Variants in TEX28 observed in about 807,000 individuals in gnomAD.
TEX28 encodes the protein testis-specific protein TEX28.
chrX:154,294,815 A>G (rs186794663), upstream of TEX28, among the ~76,000 whole-genome samples: 295 of 111,576 alleles, frequency 2.6e-3, 4 homozygotes, highest in African/African-American at 8.9e-3. Flanking sequence ...AAAAAAAAAA[A>G]ATGTAAACAC....
chrX:154,293,543 A>G (rs2148793835), upstream of TEX28, among the ~76,000 whole-genome samples: 1 of 75,845 alleles, frequency 1.3e-5, no homozygotes, highest in Non-Finnish European at 2.3e-5. Flanking sequence ...GTGGTGGTGC[A>G]CACCTGTAGT....
chrX:154,294,272 T>C (rs1312291007), upstream of TEX28, among the ~76,000 whole-genome samples: 2 of 109,452 alleles, frequency 1.8e-5, no homozygotes, highest in African/African-American at 6.7e-5. Flanking sequence ...GGTGTCTCCA[T>C]GTTAGGCTGG....
At chrX:154,294,520 C>T (rs1348648066), upstream of TEX28, among the ~76,000 whole-genome samples, 2 of 103,988 alleles carry the variant, frequency 1.9e-5, no homozygotes, top group Non-Finnish European at 3.9e-5. Context: ...TGCCCACCAC[C>T]GCCTGGCATG....
upstream of TEX28, among the ~76,000 whole-genome samples, chrX:154,294,427 C>T (rs1226808732): frequency 6.6e-5 from 7 of 106,730 alleles, no homozygotes; most frequent in African/African-American, 2.4e-4. Context: ...AGTACAGTGG[C>T]GCCATCTCAG....
chrX:154,294,918 G>A (rs2067207813), upstream of TEX28: 1 of 112,546 alleles, frequency 8.9e-6, no homozygotes, highest in Admixed American at 9.4e-5. Flanking sequence ...GTAGAAATTC[G>A]GCATTTTTGA....
At chrX:154,294,415 G>A (rs1466993481), upstream of TEX28, among the ~76,000 whole-genome samples, 1 of 106,718 alleles carries the variant, frequency 9.4e-6, no homozygotes, top group African/African-American at 3.4e-5. Context: ...CGCCCAGGCT[G>A]GAGTACAGTG....
chrX:154,294,790 G>A (rs1214667229), upstream of TEX28, among the ~76,000 whole-genome samples: 5 of 108,640 alleles, frequency 4.6e-5, no homozygotes, highest in Admixed American at 1.9e-4. Flanking sequence ...GCGACAGGGC[G>A]AGACTCCGTC....
upstream of TEX28, among the ~76,000 whole-genome samples, chrX:154,292,978 G>T (rs1257055604): frequency 3.3e-4 from 1 of 3,003 alleles, no homozygotes; most frequent in East Asian, 5.0e-3. Context: ...GTGGCTCACA[G>T]CTGTAATCCC....
upstream of TEX28, among the ~76,000 whole-genome samples, chrX:154,294,760 G>C (rs1377784253): frequency 9.2e-6 from 1 of 108,875 alleles, no homozygotes; most frequent in African/African-American, 3.4e-5. Flanking sequence ...CTAAGTTCGA[G>C]CCACTGCACT....
upstream of TEX28, among the ~76,000 whole-genome samples, chrX:154,293,371 A>G (rs1394094044): frequency 2.1e-5 from 2 of 93,748 alleles, no homozygotes; most frequent in Admixed American, 1.1e-4. Flanking sequence ...AGGGGGAGAA[A>G]AAAAAACAAG....
At chrX:154,293,500 T>TA (rs1276673821), upstream of TEX28, among the ~76,000 whole-genome samples, 12 of 72,352 alleles carry the variant, frequency 1.7e-4, no homozygotes, top group Non-Finnish European at 2.3e-4. Context: ...CCGTCTCTAT[T>TA]AAAAAAAAAA....
upstream of TEX28, among the ~76,000 whole-genome samples, chrX:154,294,136 T>C (rs1349453721): frequency 5.0e-5 from 5 of 99,187 alleles, no homozygotes; most frequent in Non-Finnish European, 8.2e-5. Context: ...AATGGCTCGA[T>C]CTTGGCTCAC....
chrX:154,294,652 A>G (rs2067204394), upstream of TEX28, among the ~76,000 whole-genome samples: 1 of 109,953 alleles, frequency 9.1e-6, no homozygotes, highest in African/African-American at 3.3e-5. Context: ...AAATACAAAA[A>G]ATTAGCCAGG....
At chrX:154,293,211 CCTGA>C (rs2067195259), upstream of TEX28, among the ~76,000 whole-genome samples, 1 of 42,167 alleles carries the variant, frequency 2.4e-5, no homozygotes, top group East Asian at 6.2e-4. Context: ...TGCACTCCAG[CCTGA>C]CTGACAAGAG....
chrX:154,294,575 G>A (rs1424050795), upstream of TEX28, among the ~76,000 whole-genome samples: 1 of 93,879 alleles, frequency 1.1e-5, no homozygotes. Flanking sequence ...GCCGAGGTGG[G>A]CAGATCACCT....
At chrX:154,294,237 A>AT (rs1350852923), upstream of TEX28, among the ~76,000 whole-genome samples, 1 of 108,948 alleles carries the variant, frequency 9.2e-6, no homozygotes, top group Non-Finnish European at 1.9e-5. Context: ...CACCCAGCTA[A>AT]TTTTTTTGTA....
chrX:154,294,148 G>A (rs1336039321), upstream of TEX28, among the ~76,000 whole-genome samples: 2 of 100,805 alleles, frequency 2.0e-5, no homozygotes, highest in East Asian at 3.2e-4. Context: ...TTGGCTCACC[G>A]CAACCTCGAC....
At chrX:154,294,291 TC>T (rs2067200921), upstream of TEX28, among the ~76,000 whole-genome samples, 1 of 108,362 alleles carries the variant, frequency 9.2e-6, no homozygotes, top group African/African-American at 3.4e-5. Context: ...GGTCAGGAAC[TC>T]CTGACCTCAG....
upstream of TEX28, among the ~76,000 whole-genome samples, chrX:154,293,309 G>GA (rs1362459802): frequency 4.0e-5 from 3 of 75,604 alleles, no homozygotes; most frequent in Admixed American, 2.8e-4. Context: ...ACCAAGAGGA[G>GA]AAAAAAATGG....
Sources: allele counts gnomAD v4.1 joint callset (sites outside exome capture counted in the v4.1 genomes callset), GRCh38; gene constraint gnomAD v4.1.1; transcripts MANE v1.5; gene names NCBI Gene and HGNC (gene_info 2026-07-23, HGNC 2026-07-21).